Variants in MLIP observed in about 807,000 individuals in gnomAD.
MLIP encodes the protein muscular LMNA interacting protein, also known as muscular LMNA-interacting protein.
A neutral mutation model predicts 84.8 loss-of-function variants in MLIP; 79 were observed. The ratio of observed to expected loss-of-function variants is 0.93; its 90% confidence interval spans 0.78 to 1.12. MLIP has a LOEUF of 1.12. MLIP is among the 50% of genes most tolerant of loss of function. MLIP has a pLI of 0.00. For synonymous variants in MLIP, 504 were observed against 463.0 expected, an observed-to-expected ratio of 1.09 and a Z score of -1.14; for missense variants, 1,257 against 1,160.6, an observed-to-expected ratio of 1.08 and a Z score of -1.21.
chr6:54,164,784 C>T (rs532022115), intron 8 of MLIP, among the ~76,000 whole-genome samples: 1 of 151,906 alleles, frequency 6.6e-6, no homozygotes. Flanking sequence ...TTGCATGGAT[C>T]AGTAGCTCTT....
chr6:54,037,242 G>A (rs1249635634), intron 1 of MLIP, among the ~76,000 whole-genome samples: 3 of 151,976 alleles, frequency 2.0e-5, no homozygotes, highest in African/African-American at 7.2e-5. Flanking sequence ...GAAGACAGGG[G>A]TACATCGTAC....
intron 9 of MLIP, among the ~76,000 whole-genome samples, chr6:54,171,533 T>A (rs1404564308): frequency 6.6e-6 from 1 of 151,594 alleles, no homozygotes; most frequent in Non-Finnish European, 1.5e-5. Context: ...TTAGTCATAT[T>A]TGTACATATT....
At chr6:54,125,871 T>C (rs1770881024) in intron 3 of MLIP, among the ~76,000 whole-genome samples, 2 of 152,034 alleles carry the variant, frequency 1.3e-5, no homozygotes, top group African/African-American at 2.4e-5. Flanking sequence ...AGAATGAGCA[T>C]TGGAGTTTTG....
chr6:54,200,274 T>C (rs1188047276), intron 10 of MLIP, among the ~76,000 whole-genome samples: 1 of 152,034 alleles, frequency 6.6e-6, no homozygotes. Flanking sequence ...CTGGCAGAGG[T>C]TATCCTACCA....
At chr6:54,246,487 C>T (rs1446352654) in intron 12 of MLIP, among the ~76,000 whole-genome samples, 2 of 151,796 alleles carry the variant, frequency 1.3e-5, no homozygotes, top group Non-Finnish European at 2.9e-5. Flanking sequence ...AATCTTTTTC[C>T]TACTTTGGTT....
chr6:54,194,361 G>A (rs1778150896), intron 10 of MLIP, among the ~76,000 whole-genome samples: 1 of 152,096 alleles, frequency 6.6e-6, no homozygotes. Context: ...AAGTGCCACA[G>A]CATTTATCAG....
chr6:54,154,645 C>T (rs926880763), intron 5 of MLIP, among the ~76,000 whole-genome samples: 5 of 152,134 alleles, frequency 3.3e-5, no homozygotes, highest in African/African-American at 1.2e-4. Context: ...CAGCTAGCTA[C>T]AGTGAATTAT....
chr6:54,247,222 A>G lies in MLIP; in HGVS notation c.2923-10086A>G, dbSNP rs924491679. On this transcript the variant is annotated intron_variant, in intron 12 of 13. Transcript: ENST00000502396. ...TATGAACATTTTTCTTCTCATTCTC[A>G]AAAGATCTCACTCTGGGATGGCTGA... Among the ~76,000 whole-genome samples the G allele has an allele frequency of 5.3e-5, 8 of 152,158 alleles. 1 individual carries two copies. Among genetic ancestry groups the G allele is most frequent in the Admixed American group, 4.6e-4 (7 of 15,246 alleles).
At chr6:54,156,580 T>C (rs911454941) in intron 5 of MLIP, among the ~76,000 whole-genome samples, 1 of 152,154 alleles carries the variant, frequency 6.6e-6, no homozygotes, top group Non-Finnish European at 1.5e-5. Flanking sequence ...AATTTAACTG[T>C]AATATAGAGA....
intron 11 of MLIP, among the ~76,000 whole-genome samples, chr6:54,218,913 G>A (rs2150765182): frequency 1.3e-5 from 2 of 151,422 alleles, no homozygotes; most frequent in Middle Eastern, 6.8e-3. Context: ...TAAACAAAAT[G>A]CAAACACAGG....
intron 11 of MLIP, among the ~76,000 whole-genome samples, chr6:54,208,087 C>T (rs540978258): frequency 2.6e-5 from 4 of 152,026 alleles, no homozygotes; most frequent in Admixed American, 2.6e-4. Context: ...GAGATCGTGC[C>T]ACTGCACTCC....
In MLIP at chr6:54,140,049, A is replaced by T. The variant is rs73741446; in HGVS notation, c.2217+1763A>T. Among the ~76,000 whole-genome samples, 861 of 152,280 alleles carry T rather than the reference A, an allele frequency of 5.7e-3. 14 individuals are homozygous for T. Among genetic ancestry groups the T allele is most frequent in the African/African-American group, 0.019 (780 of 41,564 alleles). ...TTTGAGGTAAATTGACCTGTTTATT[A>T]TATTTTAAATACATATATGTGATTA... On this transcript the variant is annotated intron_variant, in intron 4 of 13. Transcript: ENST00000502396.
chr6:54,217,457 A>G, intron 11 of MLIP: 14 of 985,340 alleles, frequency 1.4e-5, no homozygotes, highest in Non-Finnish European at 1.6e-5. Flanking sequence ...TATGGCTATA[A>G]CACTAATTTT....
chr6:54,257,375 A>T lies in MLIP; in HGVS notation c.2976+14A>T. The T allele has an allele frequency of 6.4e-7, 1 of 1,572,086 alleles. No homozygotes were observed. Among genetic ancestry groups the T allele is most frequent in the East Asian group, 2.2e-5 (1 of 44,636 alleles). On this transcript the variant is annotated intron_variant, in intron 13 of 13. Transcript: ENST00000502396. ...GATTCCAAAGAGGTAAATGTAAGATAGGACTGGATATCTAATTATCCATTT... is the reference window on the plus strand; with the variant it reads ...GATTCCAAAGAGGTAAATGTAAGATTGGACTGGATATCTAATTATCCATTT...
chr6:54,248,299 G>A (rs1782227028), intron 12 of MLIP, among the ~76,000 whole-genome samples: 2 of 152,126 alleles, frequency 1.3e-5, no homozygotes, highest in Admixed American at 1.3e-4. Context: ...GTAGTACTAA[G>A]TAATGAAGTG....
chr6:54,033,702 C>A (rs1230302125), intron 1 of MLIP, among the ~76,000 whole-genome samples: 1 of 152,052 alleles, frequency 6.6e-6, no homozygotes, highest in Non-Finnish European at 1.5e-5. Context: ...ACCTCAGCTC[C>A]CCATCACCCC....
chr6:54,166,351 T>G (rs1001526119), intron 8 of MLIP, among the ~76,000 whole-genome samples: 1 of 151,904 alleles, frequency 6.6e-6, no homozygotes. Flanking sequence ...AAAGTTTATA[T>G]ATTCTACTTT....
chr6:54,169,601 C>T, intron 9 of MLIP, 29 bp downstream of exon 9: 1 of 1,502,608 alleles, frequency 6.7e-7, no homozygotes. Flanking sequence ...ATACACACTG[C>T]TTTTCAAATG....
intron 11 of MLIP, among the ~76,000 whole-genome samples, chr6:54,225,506 T>C (rs935060860): frequency 2.0e-5 from 3 of 152,222 alleles, no homozygotes; most frequent in Non-Finnish European, 4.4e-5. Flanking sequence ...AGTTGTAGAC[T>C]ATAGTAATGC....
Sources: allele counts gnomAD v4.1 joint callset (sites outside exome capture counted in the v4.1 genomes callset), GRCh38; gene constraint gnomAD v4.1.1; transcripts MANE v1.5; gene names NCBI Gene and HGNC (gene_info 2026-07-23, HGNC 2026-07-21).